The following DPP10 variants were observed in gnomAD, a reference collection of about 807,000 sequenced individuals.
DPP10 encodes dipeptidyl peptidase like 10, also known as inactive dipeptidyl peptidase 10.
In DPP10, 33 loss-of-function variants were observed where a neutral mutation model predicts 120.9. That is an observed-to-expected ratio of 0.27 (90% CI 0.21 to 0.37). The LOEUF is 0.37. DPP10 is among the 10% of genes least tolerant of loss of function. The pLI, the probability that DPP10 is intolerant of heterozygous loss-of-function variation, is 1.00. For synonymous variants in DPP10, 337 were observed against 326.1 expected (o/e 1.03, Z -0.36); for missense variants, 816 against 942.8 (o/e 0.87, Z 1.76).
intron 1 of DPP10, among the ~76,000 whole-genome samples, chr2:114,889,058 G>A (rs974933580): frequency 1.3e-5 from 2 of 152,162 alleles, no homozygotes; most frequent in African/African-American, 4.8e-5. Flanking sequence ...TTAGGATGCA[G>A]ACACAAAGGG....
At chr2:114,585,887 A>T (rs929322841) in intron 1 of DPP10, among the ~76,000 whole-genome samples, 1 of 152,228 alleles carries the variant, frequency 6.6e-6, no homozygotes, top group East Asian at 1.9e-4. Context: ...TGACAAAAGG[A>T]CACATAGAAA....
intron 1 of DPP10, among the ~76,000 whole-genome samples, chr2:114,790,886 G>A (rs1355926577): frequency 6.6e-6 from 1 of 152,172 alleles, no homozygotes; most frequent in African/African-American, 2.4e-5. Flanking sequence ...CAGGTCACAG[G>A]GGATGCGATG....
chr2:114,802,015 T>G (rs2106284972), intron 1 of DPP10, among the ~76,000 whole-genome samples: 1 of 152,364 alleles, frequency 6.6e-6, no homozygotes, highest in Non-Finnish European at 1.5e-5. Context: ...GTTTCTCTAA[T>G]TCTAATTATT....
chr2:115,712,542 A>AT (rs1491344946), intron 7 of DPP10, among the ~76,000 whole-genome samples: 54,640 of 70,588 alleles, frequency 0.77, 24,370 homozygotes, highest in Non-Finnish European at 0.88. Context: ...GTCCTGAATT[A>AT]AATATATATA....
intron 1 of DPP10, among the ~76,000 whole-genome samples, chr2:115,289,651 A>G (rs930685163): frequency 3.9e-5 from 6 of 152,114 alleles, no homozygotes; most frequent in Non-Finnish European, 7.4e-5. Context: ...AAAAGTAGAC[A>G]CGAAGACCAA....
rs61475505 is a variant in DPP10, at chr2:114,894,728, T to A, written c.61-414511T>A. Among the ~76,000 whole-genome samples, 553 of 152,144 alleles carry A rather than the reference T, an allele frequency of 3.6e-3. 4 individuals are homozygous for A. Among genetic ancestry groups the A allele is most frequent in the African/African-American group, 0.013 (531 of 41,518 alleles). On this transcript the variant is annotated intron_variant, in intron 1 of 25. Transcript: ENST00000410059. ...AAACCTACTTAATAAATGAACCAAGTCTAAAATCTACCTATAACTTACCAG... is the reference window on the plus strand; with the variant it reads ...AAACCTACTTAATAAATGAACCAAGACTAAAATCTACCTATAACTTACCAG...
At chr2:115,571,845 TTGTGTGTG>T (rs10634118) in intron 5 of DPP10, among the ~76,000 whole-genome samples, 2 of 149,584 alleles carry the variant, frequency 1.3e-5, no homozygotes, top group Non-Finnish European at 3.0e-5. Flanking sequence ...CTCCAATATC[TTGTGTGTG>T]TGTGTGTGTG....
At chr2:115,746,232 C>T (rs759475988) in intron 10 of DPP10, 49 bp downstream of exon 10, 1 of 1,454,290 alleles carries the variant, frequency 6.9e-7, no homozygotes, top group Non-Finnish European at 9.6e-7. Flanking sequence ...ATTTTCACTC[C>T]AATTATCATT....
chr2:114,769,483 T>G (rs1411639546), intron 1 of DPP10, among the ~76,000 whole-genome samples: 1 of 152,152 alleles, frequency 6.6e-6, no homozygotes, highest in Non-Finnish European at 1.5e-5. Flanking sequence ...ATAAGGTTGT[T>G]TTAAGGTTCA....
At chr2:115,535,655 C>A (rs1401648691) in intron 5 of DPP10, among the ~76,000 whole-genome samples, 6 of 149,974 alleles carry the variant, frequency 4.0e-5, no homozygotes, top group Admixed American at 1.3e-4. Flanking sequence ...TGAAGAAAGG[C>A]ATTGGTAGCT....
rs112261647 is a variant in DPP10 at position 114,923,755 on chromosome 2, C to T, written c.61-385484C>T. Among the ~76,000 whole-genome samples, 346 of 66,370 alleles carry T rather than the reference C, an allele frequency of 5.2e-3. 2 individuals are homozygous for T. Among genetic ancestry groups the T allele is most frequent in the African/African-American group, 0.021 (320 of 15,242 alleles). The allele number at this position is 66,370 out of a possible 152,430, so 43.5% of individuals were successfully genotyped here. On this transcript the variant is annotated intron_variant, in intron 1 of 25. Transcript: ENST00000410059. ...TGCTGGGATTACAGGCGTGAGCCACCGCACCTGGCCTTTTTCACTTTCTTG... is the reference window on the plus strand; with the variant it reads ...TGCTGGGATTACAGGCGTGAGCCACTGCACCTGGCCTTTTTCACTTTCTTG...
chr2:114,663,668 T>TATAGAGAGAGAGAGAGAGAGAGAG, intron 1 of DPP10, among the ~76,000 whole-genome samples: 26 of 80,702 alleles, frequency 3.2e-4, no homozygotes, highest in African/African-American at 1.9e-3. Context: ...TATATATATA[T>TATAGAGAGAGAGAGAGAGAGAGAG]AGAGAGAGAG....
At chr2:115,040,054 G>A (rs1468083566) in intron 1 of DPP10, among the ~76,000 whole-genome samples, 1 of 152,208 alleles carries the variant, frequency 6.6e-6, no homozygotes, top group Non-Finnish European at 1.5e-5. Flanking sequence ...TTTACTAGAA[G>A]TAATGCTTTA....
At chr2:115,503,588 A>G (rs933718949) in intron 4 of DPP10, among the ~76,000 whole-genome samples, 11 of 152,176 alleles carry the variant, frequency 7.2e-5, no homozygotes, top group African/African-American at 2.4e-4. Flanking sequence ...ATAATGGCCA[A>G]TAGTAATGGA....
chr2:115,741,478 T>A (rs940879261), intron 9 of DPP10, among the ~76,000 whole-genome samples: 9 of 151,818 alleles, frequency 5.9e-5, no homozygotes, highest in African/African-American at 1.5e-4. Flanking sequence ...ACCAGCACTA[T>A]TTTTTCCCCC....
chr2:114,753,908 C>CAAAAAAAAAAAAAAAAAA (rs777798352), intron 1 of DPP10, among the ~76,000 whole-genome samples: 2 of 33,762 alleles, frequency 5.9e-5, no homozygotes, highest in Non-Finnish European at 1.3e-4. Flanking sequence ...GACTCCTTCT[C>CAAAAAAAAAAAAAAAAAA]AAAAAAAAAA....
chr2:115,526,123 T>C, intron 5 of DPP10, 151 bp downstream of exon 5: 1 of 550,158 alleles, frequency 1.8e-6, no homozygotes. Context: ...ACAAAAGATG[T>C]TTGAAGATAA....
At chr2:114,917,068 T>G (rs1442552702) in intron 1 of DPP10, among the ~76,000 whole-genome samples, 1 of 152,146 alleles carries the variant, frequency 6.6e-6, no homozygotes, top group Non-Finnish European at 1.5e-5. Flanking sequence ...ACTTACTAAT[T>G]TCCATAGTCT....
chr2:115,483,198 T>A (rs979139942), intron 3 of DPP10, among the ~76,000 whole-genome samples: 1 of 152,114 alleles, frequency 6.6e-6, no homozygotes, highest in African/African-American at 2.4e-5. Flanking sequence ...ATTGGATACA[T>A]ACTCTGTGGA....
Sources: allele counts gnomAD v4.1 joint callset (sites outside exome capture counted in the v4.1 genomes callset), GRCh38; gene constraint gnomAD v4.1.1; transcripts MANE v1.5; gene names NCBI Gene and HGNC (gene_info 2026-07-23, HGNC 2026-07-21).